CDNF: variants seen among roughly 807,000 people sequenced by gnomAD.
The protein encoded by CDNF is cerebral dopamine neurotrophic factor, also known as ARMET-like protein 1.
Under a neutral mutation model 14.8 loss-of-function variants are expected in CDNF, and 9 were observed. The observed-to-expected ratio is 0.61, with a 90% CI of 0.37 to 1.06. The LOEUF (loss-of-function observed/expected upper bound fraction) is 1.06. Ranked by LOEUF, CDNF falls within the 50% of genes least tolerant of loss-of-function variation. The pLI, the probability that CDNF is intolerant of heterozygous loss-of-function variation, is 0.01. For missense variants in CDNF, 228 were observed against 228.4 expected (o/e 1.00, Z 0.01); for synonymous variants, 86 against 87.2 (o/e 0.99, Z 0.07).
At chr10:14,835,071 G>A (rs1456200117) in intron 1 of CDNF, among the ~76,000 whole-genome samples, 5 of 152,190 alleles carry the variant, frequency 3.3e-5, no homozygotes. Context: ...AAGCATGACA[G>A]TAACAGGTTT....
intron 1 of CDNF, among the ~76,000 whole-genome samples, chr10:14,829,949 T>C (rs1046299728): frequency 1.3e-5 from 2 of 152,076 alleles, no homozygotes; most frequent in African/African-American, 2.4e-5. Flanking sequence ...TTGTTGTTGT[T>C]TCTATAGGTT....
chr10:14,826,323 TGGA>T (rs1415695483), intron 2 of CDNF, among the ~76,000 whole-genome samples: 2 of 136,624 alleles, frequency 1.5e-5, no homozygotes, highest in Non-Finnish European at 3.3e-5. Flanking sequence ...GCAGCAGAAG[TGGA>T]GGAATCAGAA....
At chr10:14,827,669 G>C (rs1341048625) in intron 2 of CDNF, among the ~76,000 whole-genome samples, 1 of 152,100 alleles carries the variant, frequency 6.6e-6, no homozygotes, top group East Asian at 1.9e-4. Context: ...GAGGTGGGTG[G>C]ATCACCTGAG....
intron 2 of CDNF, among the ~76,000 whole-genome samples, chr10:14,827,705 C>G (rs1178076161): frequency 6.6e-6 from 1 of 151,982 alleles, no homozygotes; most frequent in Admixed American, 6.6e-5. Flanking sequence ...CCACCCTGGC[C>G]AACATGGTGA....
At chr10:14,822,777 A>T (rs1470144054) in intron 3 of CDNF, among the ~76,000 whole-genome samples, 2 of 152,230 alleles carry the variant, frequency 1.3e-5, no homozygotes, top group African/African-American at 4.8e-5. Flanking sequence ...TATTTGTCAA[A>T]TTATTTGTCA....
rs1564313896 is a variant in CDNF at position 14,826,502 on chromosome 10, A to AG, written c.244-883_244-882insC. ...AAGAAAAAGAAGAAGAAGAAGAAGA[A>AG]AAAGAAGCAGCAGAAGCAGCAGAAG... On this transcript the variant is annotated intron_variant, in intron 2 of 3. Coordinates refer to ENST00000465530, the MANE Select transcript of CDNF (RefSeq NM_001029954.3). 8.2e-3 allele frequency among the ~76,000 whole-genome samples: 1,226 copies of AG among 149,110 alleles called. 21 individuals are homozygous for AG. The highest frequency in any genetic ancestry group is 0.028 in the African/African-American group (1,148 of 41,098).
intron 1 of CDNF, among the ~76,000 whole-genome samples, chr10:14,831,312 C>G (rs1488447460): frequency 1.3e-5 from 2 of 152,088 alleles, no homozygotes; most frequent in African/African-American, 2.4e-5. Flanking sequence ...TCCCTTCAAC[C>G]CCCTGGACTC....
chr10:14,822,261 G>C (rs760970077), intron 3 of CDNF, among the ~76,000 whole-genome samples: 6 of 152,066 alleles, frequency 3.9e-5, no homozygotes, highest in Non-Finnish European at 7.4e-5. Flanking sequence ...CTATTTCGCT[G>C]TTTATAGATT....
chr10:14,837,192 TA>T (rs1172784258), intron 1 of CDNF, among the ~76,000 whole-genome samples: 2 of 152,214 alleles, frequency 1.3e-5, no homozygotes, highest in African/African-American at 4.8e-5. Context: ...TAAAGTGAAG[TA>T]CGCTGATTTT....
At chr10:14,820,668 G>C (rs960821641) in intron 3 of CDNF, among the ~76,000 whole-genome samples, 1 of 152,100 alleles carries the variant, frequency 6.6e-6, no homozygotes, top group Non-Finnish European at 1.5e-5. Flanking sequence ...GGGAGATGGA[G>C]GTTGCAGTGA....
intron 1 of CDNF, among the ~76,000 whole-genome samples, chr10:14,834,828 G>A (rs1384955546): frequency 6.6e-6 from 1 of 152,190 alleles, no homozygotes; most frequent in Non-Finnish European, 1.5e-5. Context: ...TGATAGCCCT[G>A]CCAGGGGACT....
chr10:14,836,127 A>C (rs193002084), intron 1 of CDNF: 1 of 152,364 alleles, frequency 6.6e-6, no homozygotes, highest in Admixed American at 6.5e-5. Flanking sequence ...AGTATGTATA[A>C]TATGGCATTT....
chr10:14,826,479 G>A (rs111369384), intron 2 of CDNF, among the ~76,000 whole-genome samples: 4 of 117,402 alleles, frequency 3.4e-5, no homozygotes, highest in East Asian at 4.8e-4. Context: ...AGAAGAAGAA[G>A]AAAAAGAAGA....
At chr10:14,825,737 G>A (rs752341382) in intron 2 of CDNF, 117 bp from the exon 3 acceptor site, 84 of 1,097,610 alleles carry the variant, frequency 7.7e-5, no homozygotes, top group Non-Finnish European at 9.7e-5. Context: ...GGTGGCTCAC[G>A]CCTGTAATCC....
chr10:14,820,731 CA>C (rs56334450), intron 3 of CDNF, among the ~76,000 whole-genome samples: 2,180 of 147,126 alleles, frequency 0.015, 60 homozygotes, highest in African/African-American at 0.05. Context: ...GACTCTGTCT[CA>C]AAAAAAAAAT....
intron 2 of CDNF, among the ~76,000 whole-genome samples, chr10:14,827,052 C>CAAA (rs34308438): frequency 0.015 from 1,029 of 70,222 alleles, 22 homozygotes; most frequent in Middle Eastern, 0.058. Context: ...CCCGTCTCTA[C>CAAA]AAAAAAAAAA....
intron 1 of CDNF, among the ~76,000 whole-genome samples, chr10:14,829,613 T>C (rs1833827205): frequency 6.6e-6 from 1 of 150,984 alleles, no homozygotes; most frequent in African/African-American, 2.4e-5. Context: ...ATCTGAAGTC[T>C]TCAGAGTTTT....
intron 1 of CDNF, among the ~76,000 whole-genome samples, chr10:14,832,280 T>C (rs1833850424): frequency 6.6e-6 from 1 of 152,184 alleles, no homozygotes; most frequent in East Asian, 1.9e-4. Flanking sequence ...TGCAGGAGTG[T>C]CCTTGGTGGC....
chr10:14,834,260 G>A (rs1464562613), intron 1 of CDNF: 1 of 152,014 alleles, frequency 6.6e-6, no homozygotes, highest in East Asian at 1.9e-4. Flanking sequence ...AGGATCACTT[G>A]AGCCTGGAAG....
Sources: allele counts gnomAD v4.1 joint callset (sites outside exome capture counted in the v4.1 genomes callset), GRCh38; gene constraint gnomAD v4.1.1; transcripts MANE v1.5; gene names NCBI Gene and HGNC (gene_info 2026-07-23, HGNC 2026-07-21).